ABHD6: variants seen among roughly 807,000 people sequenced by gnomAD.
The protein encoded by ABHD6 is monoacylglycerol lipase ABHD6.
In ABHD6, 33 loss-of-function variants were observed where a neutral mutation model predicts 38.8. The ratio of observed to expected loss-of-function variants is 0.85; its 90% CI spans 0.64 to 1.14. The LOEUF is 1.14. Ranked by LOEUF, ABHD6 falls within the 50% of genes most tolerant of loss-of-function variation. The pLI is 0.00. For missense variants in ABHD6, 380 were observed against 422.6 expected, an observed-to-expected ratio of 0.90 and a Z score of 0.88; for synonymous variants, 147 against 161.6, an observed-to-expected ratio of 0.91 and a Z score of 0.69.
At chr3:58,275,725 T>C (rs958461291) in intron 7 of ABHD6, among the ~76,000 whole-genome samples, 1 of 152,290 alleles carries the variant, frequency 6.6e-6, no homozygotes, top group East Asian at 1.9e-4. Context: ...GCATGTGCCA[T>C]GTTGGTTTGC....
In ABHD6 at chr3:58,259,291, G is replaced by C. The variant is rs2097435402; in HGVS notation, c.119+2586G>C. Among the ~76,000 whole-genome samples, 1 of 152,118 alleles carries C rather than the reference G, an allele frequency of 6.6e-6. No individual in the cohort carries two copies. The highest frequency in any genetic ancestry group is 2.4e-5 in the African/African-American group (1 of 41,424). On this transcript the variant is annotated intron_variant, in intron 3 of 9. Transcript: ENST00000478253. The surrounding 1 kb of genome is among the most constrained non-coding windows in gnomAD (Gnocchi z 4.7). ...GTAAGGGTGTTAGGGTAATTTTGAT[G>C]TTTCATTTGTAATGAGAAAAATAAG...
chr3:58,291,055 C>G (rs1200679312), intron 9 of ABHD6, among the ~76,000 whole-genome samples: 1 of 149,954 alleles, frequency 6.7e-6, no homozygotes, highest in East Asian at 2.0e-4. Context: ...TGTAGCGAGC[C>G]GAGATCACAC....
intron 1 of ABHD6, among the ~76,000 whole-genome samples, chr3:58,243,315 T>C (rs1246212078): frequency 1.3e-5 from 2 of 152,192 alleles, no homozygotes; most frequent in Admixed American, 6.5e-5. Flanking sequence ...CCACAATGGT[T>C]GAACTAGTTT....
chr3:58,290,130 C>T (rs2097460885), intron 9 of ABHD6, among the ~76,000 whole-genome samples: 1 of 116,404 alleles, frequency 8.6e-6, no homozygotes, highest in Non-Finnish European at 1.8e-5. Flanking sequence ...CAGAGGCGCC[C>T]CTCACCTCCC....
intron 2 of ABHD6, among the ~76,000 whole-genome samples, chr3:58,252,503 C>T (rs747412222): frequency 1.3e-5 from 2 of 152,082 alleles, no homozygotes; most frequent in African/African-American, 2.4e-5. Flanking sequence ...CATGAGCCAC[C>T]ACGCCCAGCT....
At chr3:58,242,162 T>C (rs2097423301) in intron 1 of ABHD6, among the ~76,000 whole-genome samples, 1 of 152,044 alleles carries the variant, frequency 6.6e-6, no homozygotes, top group Admixed American at 6.5e-5. Flanking sequence ...GCACGGCATG[T>C]CTGGGGGTTG....
rs1164740727 is a variant in ABHD6, at chr3:58,273,962, T to C, written c.524-696T>C. On this transcript the variant is annotated intron_variant, in intron 6 of 9. Transcript: ENST00000478253. This position sits in a 1 kb window ranked among gnomAD's most constrained non-coding sequence, Gnocchi z 4.8. ...TTTGCTCCATGCTGGAAGTGAAAAT[T>C]AGTTTTGCCCTCTTGCATACATAGC... Among the ~76,000 whole-genome samples the C allele has an allele frequency of 6.6e-6, 1 of 152,180 alleles. No homozygotes were observed. The highest frequency in any genetic ancestry group is 1.5e-5 in the Non-Finnish European group (1 of 68,040).
chr3:58,285,000 A>T, intron 7 of ABHD6, 85 bp from the exon 8 acceptor site: 2 of 1,297,608 alleles, frequency 1.5e-6, no homozygotes, highest in Non-Finnish European at 2.2e-6. Context: ...GCTGGACCTC[A>T]TTCCCATTCA....
chr3:58,286,868 ATG>A lies in ABHD6; in HGVS notation c.837+1417_837+1418del, dbSNP rs1435931765. Among the ~76,000 whole-genome samples, 1,262 of 128,286 alleles carry A rather than the reference ATG, an allele frequency of 9.8e-3. 184 individuals are homozygous for A. The highest frequency in any genetic ancestry group is 0.034 in the African/African-American group (1,177 of 34,818). The allele number at this position is 128,286 out of a possible 152,430, so 84.2% of individuals were successfully genotyped here. A position where few individuals can be genotyped will look rare whatever the true frequency, so the allele number is the denominator to read the frequency against. On this transcript the variant is annotated intron_variant, in intron 9 of 9. Coordinates refer to ENST00000478253, the MANE Select transcript of ABHD6 (RefSeq NM_001320126.2). Reference sequence around the variant, plus strand: ...TGTGTGTGTGTATATATATATATATATGTATATGTATATATAAGTAGGTATCT... The same window carrying A: ...TGTGTGTGTGTATATATATATATATATATATGTATATATAAGTAGGTATCT...
rs2097443546 is a variant in ABHD6 at position 58,269,826 on chromosome 3, C to T, written c.390+392C>T. 6.6e-6 allele frequency among the ~76,000 whole-genome samples: 1 copy of T among 152,202 alleles called. No individual in the cohort carries two copies. Among genetic ancestry groups the T allele is most frequent in the Non-Finnish European group, 1.5e-5 (1 of 68,048 alleles). On this transcript the variant is annotated intron_variant, in intron 5 of 9. Transcript: ENST00000478253. This position sits in a 1 kb window ranked among gnomAD's most constrained non-coding sequence, Gnocchi z 4.4. ...TTCTTCACATTATAACGTACTTTAG[C>T]ATCTATTGCTAGCACCTATTTTAGA...
chr3:58,293,984 A>G lies in ABHD6; in HGVS notation c.*219A>G, dbSNP rs1255987422. 9.0e-6 allele frequency: 4 copies of G among 443,164 alleles called. No homozygotes were observed. The highest frequency in any genetic ancestry group is 1.6e-5 in the Non-Finnish European group (4 of 254,260). The allele number at this position is 443,164 out of a possible 1,614,324, so 27.5% of individuals were successfully genotyped here. ...TTCACAAAATAGAAACTCATATGGA[A>G]CAAAATAAGAAACCCCAGCCATGAA... On this transcript the variant is annotated 3_prime_UTR_variant, in exon 10 of 10. Transcript: ENST00000478253. This position sits in a 1 kb window ranked among gnomAD's most constrained non-coding sequence, Gnocchi z 4.4.
chr3:58,250,164 T>C (rs559288769), intron 2 of ABHD6, among the ~76,000 whole-genome samples: 4 of 152,210 alleles, frequency 2.6e-5, no homozygotes, highest in Non-Finnish European at 5.9e-5. Context: ...TGAAAGACTA[T>C]GTGGGGGAAC....
At chr3:58,258,033 C>A (rs547721786) in intron 3 of ABHD6, among the ~76,000 whole-genome samples, 1 of 152,120 alleles carries the variant, frequency 6.6e-6, no homozygotes, top group African/African-American at 2.4e-5. Context: ...AAGTGCCTGG[C>A]GCAGTGGCTC....
rs1436232756 is a variant in ABHD6 at position 58,265,063 on chromosome 3, C to T, written c.120-2126C>T. Reference sequence around the variant, plus strand: ...CCCTACCCCCAGCTACTCATCTCAGCCTCTGGTAACCATCCTTCTACTATC... The same window carrying T: ...CCCTACCCCCAGCTACTCATCTCAGTCTCTGGTAACCATCCTTCTACTATC... On this transcript the variant is annotated intron_variant, in intron 3 of 9. Coordinates refer to ENST00000478253, the MANE Select transcript of ABHD6 (RefSeq NM_001320126.2). This position sits in a 1 kb window ranked among gnomAD's most constrained non-coding sequence, Gnocchi z 4.2. Among the ~76,000 whole-genome samples the T allele has an allele frequency of 2.6e-5, 4 of 152,138 alleles. No homozygotes were observed. The highest frequency in any genetic ancestry group is 5.9e-5 in the Non-Finnish European group (4 of 68,016).
intron 3 of ABHD6, among the ~76,000 whole-genome samples, chr3:58,262,228 AC>A (rs2097437470): frequency 6.6e-6 from 1 of 152,238 alleles, no homozygotes; most frequent in Non-Finnish European, 1.5e-5. Context: ...ATTTAGGATG[AC>A]AAAAAGTTCT....
intron 9 of ABHD6, among the ~76,000 whole-genome samples, chr3:58,288,984 A>C (rs1016789364): frequency 2.0e-5 from 3 of 152,120 alleles, no homozygotes; most frequent in African/African-American, 7.2e-5. Context: ...TTGCCTCACC[A>C]TAGTTTTAGC....
intron 7 of ABHD6, among the ~76,000 whole-genome samples, chr3:58,279,999 T>A (rs2097451889): frequency 6.6e-6 from 1 of 152,224 alleles, no homozygotes; most frequent in African/African-American, 2.4e-5. Context: ...GTACCTGACC[T>A]TTCTCTCTGG....
chr3:58,256,283 G>A lies in ABHD6; in HGVS notation c.-25-279G>A, dbSNP rs553945721. On this transcript the variant is annotated intron_variant, in intron 2 of 9. Coordinates refer to ENST00000478253, the MANE Select transcript of ABHD6 (RefSeq NM_001320126.2). The surrounding 1 kb of genome is among the most constrained non-coding windows in gnomAD (Gnocchi z 4.3). ...AGAATTGTGTCACTGATACATTGAC[G>A]TTGTCTAATACCCAGCCCTTACTCA... Among the ~76,000 whole-genome samples the A allele has an allele frequency of 2.6e-5, 4 of 151,940 alleles. No individual in the cohort carries two copies. Among genetic ancestry groups the A allele is most frequent in the East Asian group, 1.9e-4 (1 of 5,158 alleles).
chr3:58,240,174 AG>A (rs1303013925), intron 1 of ABHD6, among the ~76,000 whole-genome samples: 6 of 151,994 alleles, frequency 3.9e-5, no homozygotes, highest in African/African-American at 1.4e-4. Flanking sequence ...AAATAAATAA[AG>A]AATGAGTGTT....
Sources: allele counts gnomAD v4.1 joint callset (sites outside exome capture counted in the v4.1 genomes callset), GRCh38; gene constraint gnomAD v4.1.1; non-coding constraint Gnocchi (gnomAD v3.1); transcripts MANE v1.5; gene names NCBI Gene and HGNC (gene_info 2026-07-23, HGNC 2026-07-21).